Variants in EML4 observed in about 807,000 individuals in gnomAD.
EML4 encodes the protein EMAP like 4, also known as echinoderm microtubule-associated protein-like 4.
Under a neutral mutation model 129.0 loss-of-function variants are expected in EML4, and 72 were observed. That is an observed-to-expected ratio of 0.56 (90% CI 0.46 to 0.68). The LOEUF is 0.68. Among genes scored for constraint, EML4 ranks in the 30% least tolerant of loss-of-function variants. The pLI is 0.00. For synonymous variants in EML4, 532 were observed against 405.0 expected (o/e 1.31, Z -3.77); for missense variants, 1,363 against 1,190.6 (o/e 1.14, Z -2.13).
At chr2:42,224,752 A>G (rs1673844435) in intron 1 of EML4, among the ~76,000 whole-genome samples, 1 of 152,118 alleles carries the variant, frequency 6.6e-6, no homozygotes, top group Non-Finnish European at 1.5e-5. Flanking sequence ...GTGAAGTGGC[A>G]TCTCATTATG....
chr2:42,283,136 G>A (rs187730500), intron 8 of EML4, among the ~76,000 whole-genome samples, 164 bp downstream of exon 8: 10 of 152,190 alleles, frequency 6.6e-5, no homozygotes, highest in East Asian at 3.9e-4. Flanking sequence ...AAGGACTTTC[G>A]GCCTCCAAAA....
intron 1 of EML4, among the ~76,000 whole-genome samples, chr2:42,206,351 C>G (rs983321401): frequency 2.6e-5 from 4 of 152,110 alleles, no homozygotes; most frequent in Non-Finnish European, 5.9e-5. Flanking sequence ...GTAGCTGGGC[C>G]TATAAGTGTA....
At chr2:42,198,778 A>T (rs1394616266) in intron 1 of EML4, among the ~76,000 whole-genome samples, 1 of 152,156 alleles carries the variant, frequency 6.6e-6, no homozygotes, top group South Asian at 2.1e-4. Flanking sequence ...AGAGACCAAG[A>T]TGGGTTTGAT....
chr2:42,296,946 A>C (rs1054948747), intron 13 of EML4, among the ~76,000 whole-genome samples: 1 of 152,220 alleles, frequency 6.6e-6, no homozygotes, highest in Non-Finnish European at 1.5e-5. Flanking sequence ...GTACGAAATT[A>C]ATGTTTTAAT....
At chr2:42,233,615 A>C (rs1674487798) in intron 1 of EML4, among the ~76,000 whole-genome samples, 1 of 152,030 alleles carries the variant, frequency 6.6e-6, no homozygotes, top group Non-Finnish European at 1.5e-5. Flanking sequence ...CCCCTATTAC[A>C]GGTTTCTTAA....
At chr2:42,216,230 C>CCTTTTTTTTTTTTTTTTTTT (rs1673177607) in intron 1 of EML4, among the ~76,000 whole-genome samples, 1 of 43,356 alleles carries the variant, frequency 2.3e-5, no homozygotes, top group African/African-American at 1.3e-4. Context: ...CGGCCCACTT[C>CCTTTTTTTTTTTTTTTTTTT]TTTTTTTTTT....
chr2:42,303,711 G>T (rs1290126137), intron 16 of EML4, among the ~76,000 whole-genome samples: 5 of 152,306 alleles, frequency 3.3e-5, no homozygotes, highest in African/African-American at 1.2e-4. Context: ...GGATCACGAG[G>T]TCAGGAGATC....
At chr2:42,178,037 A>G (rs1332756417) in intron 1 of EML4, among the ~76,000 whole-genome samples, 5 of 152,218 alleles carry the variant, frequency 3.3e-5, no homozygotes, top group Non-Finnish European at 5.9e-5. Context: ...AGGTGGATGA[A>G]CAATCAGAAG....
chr2:42,226,790 G>C (rs1233966823), intron 1 of EML4, among the ~76,000 whole-genome samples: 1 of 152,112 alleles, frequency 6.6e-6, no homozygotes, highest in Non-Finnish European at 1.5e-5. Context: ...TAAGTAGTCT[G>C]ACTTAGCCAT....
At position 42,182,870 on chromosome 2, in the gene EML4, C is replaced by T. The variant is rs374851808; in HGVS notation, c.25+13234C>T. On this transcript the variant is annotated intron_variant, in intron 1 of 22. Coordinates refer to ENST00000318522, the MANE Select transcript of EML4 (RefSeq NM_019063.5). ...CTTGTAGGTTGCCATCTTCTGTGTC[C>T]TCATGTGGCCTTTTCTTTGTGTGTA... Among the ~76,000 whole-genome samples, 16 of 152,268 alleles carry T rather than the reference C, an allele frequency of 1.1e-4. No homozygotes were observed. In the East Asian group the frequency reaches 2.3e-3, roughly 22 times the overall value.
chr2:42,278,933 T>C (rs2104452773), intron 6 of EML4, among the ~76,000 whole-genome samples: 1 of 89,964 alleles, frequency 1.1e-5, no homozygotes. Context: ...CGAAACTCTC[T>C]TGGAAAAAAA....
chr2:42,259,193 G>A (rs1294367808), intron 3 of EML4, among the ~76,000 whole-genome samples: 1 of 151,314 alleles, frequency 6.6e-6, no homozygotes, highest in African/African-American at 2.4e-5. Context: ...GTTGCAGTGA[G>A]CCAAGATCAT....
chr2:42,170,552 A>G (rs1259748153), intron 1 of EML4, among the ~76,000 whole-genome samples: 1 of 152,232 alleles, frequency 6.6e-6, no homozygotes, highest in Non-Finnish European at 1.5e-5. Context: ...TCTTCTGGCT[A>G]GGAAAATCAA....
intron 1 of EML4, among the ~76,000 whole-genome samples, chr2:42,176,007 T>C (rs1670580333): frequency 6.6e-6 from 1 of 152,100 alleles, no homozygotes; most frequent in African/African-American, 2.4e-5. Context: ...TTTTTTTTTT[T>C]TTCCCACTTG....
intron 6 of EML4, among the ~76,000 whole-genome samples, chr2:42,268,257 A>G (rs1348347365): frequency 6.6e-6 from 1 of 152,184 alleles, no homozygotes; most frequent in African/African-American, 2.4e-5. Flanking sequence ...AATACAATAT[A>G]ACAACTAATA....
intron 11 of EML4, among the ~76,000 whole-genome samples, chr2:42,294,120 A>G (rs748825985): frequency 2.0e-5 from 3 of 152,232 alleles, no homozygotes; most frequent in Non-Finnish European, 4.4e-5. Flanking sequence ...TACTGAAATT[A>G]TAGAAATACA....
At chr2:42,303,493 C>T (rs1284480673) in intron 16 of EML4, 47 bp downstream of exon 16, 3 of 1,595,922 alleles carry the variant, frequency 1.9e-6, no homozygotes, top group South Asian at 2.2e-5. Context: ...AGAAACTCCT[C>T]ACACTGGCAG....
At chr2:42,231,244 T>C (rs1674322748) in intron 1 of EML4, among the ~76,000 whole-genome samples, 1 of 152,256 alleles carries the variant, frequency 6.6e-6, no homozygotes, top group Non-Finnish European at 1.5e-5. Flanking sequence ...ATGTCTCCTT[T>C]CCTGAACCTA....
rs56808218 is a variant in EML4, at chr2:42,245,094, C to CTTTTTTTT, written c.26-400_26-393dup. On this transcript the variant is annotated intron_variant, in intron 1 of 22. Coordinates refer to ENST00000318522, the MANE Select transcript of EML4 (RefSeq NM_019063.5). ...AGTTTTTTGTTTTGAAATTTTCTTTCTTTTTTTTTTTTTTTTTTGAGACAG... is the reference window on the plus strand; with the variant it reads ...AGTTTTTTGTTTTGAAATTTTCTTTCTTTTTTTTTTTTTTTTTTTTTTTTTTGAGACAG... Among the ~76,000 whole-genome samples, 358 of 66,524 alleles carry CTTTTTTTT rather than the reference C, an allele frequency of 5.4e-3. 65 individuals carry two copies. Among genetic ancestry groups the CTTTTTTTT allele is most frequent in the South Asian group, 0.034 (38 of 1,110 alleles). The allele number at this position is 66,524 out of a possible 152,430, so 43.6% of individuals were successfully genotyped here.
Sources: allele counts gnomAD v4.1 joint callset (sites outside exome capture counted in the v4.1 genomes callset), GRCh38; gene constraint gnomAD v4.1.1; transcripts MANE v1.5; gene names NCBI Gene and HGNC (gene_info 2026-07-23, HGNC 2026-07-21).